The following NEK11 variants were observed in gnomAD, a reference collection of about 807,000 sequenced individuals.
NEK11 encodes the protein NIMA related kinase 11, also known as serine/threonine-protein kinase Nek11.
Under a neutral mutation model 80.7 loss-of-function variants are expected in NEK11, and 72 were observed. The ratio of observed to expected loss-of-function variants is 0.89; its 90% CI spans 0.74 to 1.08. The LOEUF (loss-of-function observed/expected upper bound fraction) is 1.08. NEK11 is among the 50% of genes least tolerant of loss of function. The pLI, the probability that NEK11 is intolerant of heterozygous loss-of-function variation, is 0.00. For synonymous variants in NEK11, 251 were observed against 260.7 expected (o/e 0.96, Z 0.36); for missense variants, 764 against 763.6 (o/e 1.00, Z -0.01).
chr3:131,269,931 T>TA lies in NEK11; in HGVS notation c.1622-3544dup, dbSNP rs563355162. Among the ~76,000 whole-genome samples, 6 of 152,322 alleles carry TA rather than the reference T, an allele frequency of 3.9e-5. No homozygotes were observed. In the East Asian group the frequency reaches 1.2e-3, roughly 29 times the overall value. Reference sequence around the variant, plus strand: ...CACAGTGGAACACAGGCTCAAGGCTTAAAGCCTTGCTCATGTGCTGTCTTG... The same window carrying TA: ...CACAGTGGAACACAGGCTCAAGGCTTAAAAGCCTTGCTCATGTGCTGTCTTG... On this transcript the variant is annotated intron_variant, in intron 16 of 17. Coordinates refer to ENST00000383366, the MANE Select transcript of NEK11 (RefSeq NM_024800.5).
intron 15 of NEK11, among the ~76,000 whole-genome samples, chr3:131,243,104 T>C (rs2095543143): frequency 1.3e-5 from 2 of 152,168 alleles, no homozygotes; most frequent in Admixed American, 1.3e-4. Flanking sequence ...ATAGATTTAA[T>C]ATGTATTTAT....
rs1560475924 is a variant in NEK11 at position 131,115,948 on chromosome 3, T to TTCTTTCTTTCTTTCTTTCTTTCTTTC, written c.455+6029_455+6054dup. Among the ~76,000 whole-genome samples the TTCTTTCTTTCTTTCTTTCTTTCTTTC allele has an allele frequency of 9.1e-4, 120 of 131,990 alleles. 2 individuals are homozygous for TTCTTTCTTTCTTTCTTTCTTTCTTTC. The highest frequency in any genetic ancestry group is 9.9e-4 in the Admixed American group (13 of 13,106). 86.6% of individuals were successfully genotyped at this position (131,990 alleles called of 152,430 possible). ...TTTCTTTCTTTCTTTCTTTCTTTCT[T>TTCTTTCTTTCTTTCTTTCTTTCTTTC]TCTTTCTTTCTTTCTTTCTTTCTTT... On this transcript the variant is annotated intron_variant, in intron 5 of 17. Coordinates refer to ENST00000383366, the MANE Select transcript of NEK11 (RefSeq NM_024800.5).
rs1313017792 is a variant in NEK11 at position 131,228,556 on chromosome 3, A to G, written c.1428A>G (p.Glu476=). Residue 476 remains glutamate (E), a synonymous_variant, in exon 15 of 18, where the codon GAA becomes GAG. Coordinates refer to ENST00000383366, the MANE Select transcript of NEK11 (RefSeq NM_024800.5). The part of the protein sequence containing the change: ...HEIPEDPLVA[E]EYYADAFDSY... ...TCCCAGAAGACCCACTTGTGGCTGA[A>G]GAGTACTACGCTGATGCATTTGATT... The G allele has an allele frequency of 1.2e-6, 2 of 1,608,266 alleles. No individual in the cohort carries two copies. The highest frequency in any genetic ancestry group is 1.7e-6 in the Non-Finnish European group (2 of 1,177,002).
intron 7 of NEK11, among the ~76,000 whole-genome samples, chr3:131,151,742 G>A (rs773262981): frequency 3.3e-5 from 5 of 151,150 alleles, no homozygotes; most frequent in Admixed American, 6.6e-5. Flanking sequence ...AATATTTTCC[G>A]GCTGGTTTAG....
intron 3 of NEK11, among the ~76,000 whole-genome samples, chr3:131,071,285 C>G (rs1350237164): frequency 6.6e-6 from 1 of 151,988 alleles, no homozygotes; most frequent in Non-Finnish European, 1.5e-5. Flanking sequence ...CACTAGAGAA[C>G]TATAGAAAAA....
At chr3:131,093,769 C>T (rs543207969) in intron 4 of NEK11, among the ~76,000 whole-genome samples, 1 of 152,174 alleles carries the variant, frequency 6.6e-6, no homozygotes, top group South Asian at 2.1e-4. Flanking sequence ...ACATGGTGAA[C>T]TAGAATATCT....
chr3:131,154,980 C>T (rs2090402347), intron 9 of NEK11, 56 bp from the exon 10 acceptor site: 1 of 1,021,050 alleles, frequency 9.8e-7, no homozygotes, highest in Non-Finnish European at 1.5e-6. Flanking sequence ...TAATTTATTC[C>T]CTTTCATCCC....
At chr3:131,281,566 C>A (rs1306313817) in intron 17 of NEK11, among the ~76,000 whole-genome samples, 1 of 152,138 alleles carries the variant, frequency 6.6e-6, no homozygotes, top group Non-Finnish European at 1.5e-5. Flanking sequence ...TAATTAATAG[C>A]CTTGCACATT....
At chr3:131,153,130 G>A (rs2090012993) in intron 9 of NEK11, among the ~76,000 whole-genome samples, 1 of 152,098 alleles carries the variant, frequency 6.6e-6, no homozygotes, top group Non-Finnish European at 1.5e-5. Flanking sequence ...AAAAATAGTA[G>A]TCAGGACAAT....
chr3:131,294,367 G>T (rs2096572706), intron 17 of NEK11, among the ~76,000 whole-genome samples: 1 of 151,884 alleles, frequency 6.6e-6, no homozygotes, highest in African/African-American at 2.4e-5. Context: ...TGTGTTTCAG[G>T]ATTTTCTAGT....
At chr3:131,145,670 G>T (rs2718861) in intron 7 of NEK11, among the ~76,000 whole-genome samples, 126,056 of 152,002 alleles carry the variant, frequency 0.83, 52,384 homozygotes, top group East Asian at 0.93. Context: ...TGATCCAAAA[G>T]GCTCTGATTG....
intron 17 of NEK11, among the ~76,000 whole-genome samples, chr3:131,333,002 G>C (rs908651414): frequency 4.6e-5 from 7 of 152,158 alleles, no homozygotes; most frequent in Non-Finnish European, 1.0e-4. Flanking sequence ...TGGTGTACCT[G>C]AAAGTGACGG....
intron 7 of NEK11, among the ~76,000 whole-genome samples, chr3:131,139,556 A>G (rs2086414211): frequency 6.6e-6 from 1 of 152,184 alleles, no homozygotes; most frequent in Admixed American, 6.5e-5. Flanking sequence ...TAGAAGACCA[A>G]ACAGATTTAA....
At chr3:131,282,884 G>A (rs1052134840) in intron 17 of NEK11, among the ~76,000 whole-genome samples, 5 of 152,092 alleles carry the variant, frequency 3.3e-5, no homozygotes, top group African/African-American at 4.8e-5. Context: ...GTTTATAATC[G>A]TACCAGCTCA....
At chr3:131,243,529 T>G in intron 16 of NEK11, 33 bp downstream of exon 16, 1 of 1,515,086 alleles carries the variant, frequency 6.6e-7, no homozygotes, top group South Asian at 1.1e-5. Flanking sequence ...CAAAATACAT[T>G]GACAGCTACT....
chr3:131,041,592 T>C (rs2066489134), intron 3 of NEK11, among the ~76,000 whole-genome samples: 1 of 152,198 alleles, frequency 6.6e-6, no homozygotes, highest in Non-Finnish European at 1.5e-5. Context: ...TTAAGGTGTG[T>C]ATATGTGTAT....
At chr3:131,323,672 AAT>A (rs1483397685) in intron 17 of NEK11, among the ~76,000 whole-genome samples, 1 of 152,242 alleles carries the variant, frequency 6.6e-6, no homozygotes, top group Non-Finnish European at 1.5e-5. Flanking sequence ...ACTTGGATAG[AAT>A]ATGATATAAA....
intron 3 of NEK11, among the ~76,000 whole-genome samples, chr3:131,061,251 G>C (rs530113401): frequency 6.6e-6 from 1 of 152,188 alleles, no homozygotes; most frequent in African/African-American, 2.4e-5. Context: ...GATCTATGCT[G>C]TTCTAGACTG....
chr3:131,237,149 G>A (rs564892615), intron 15 of NEK11, among the ~76,000 whole-genome samples: 1 of 152,188 alleles, frequency 6.6e-6, no homozygotes, highest in Non-Finnish European at 1.5e-5. Flanking sequence ...AGAGCAGCCT[G>A]GGCAACATAG....
Sources: gnomAD v4.1 joint callset for allele counts (sites outside exome capture counted in the v4.1 genomes callset) on GRCh38, gnomAD v4.1.1 for gene constraint, MANE v1.5 for transcripts, NCBI Gene and HGNC (gene_info 2026-07-23, HGNC 2026-07-21) for gene names.